IL1RAPL2: variants seen among roughly 807,000 people sequenced by gnomAD.
IL1RAPL2 encodes the protein X-linked interleukin-1 receptor accessory protein-like 2.
In IL1RAPL2, 3 loss-of-function variants were observed where a neutral mutation model predicts 44.1. The observed-to-expected ratio is 0.07, with a 90% CI of 0.03 to 0.18. The LOEUF (loss-of-function observed/expected upper bound fraction) is 0.18. Ranked by LOEUF, IL1RAPL2 falls within the 10% of genes least tolerant of loss-of-function variation. IL1RAPL2 has a pLI of 1.00. For synonymous variants in IL1RAPL2, 181 were observed against 178.8 expected (o/e 1.01, Z -0.10); for missense variants, 391 against 496.4 (o/e 0.79, Z 2.02).
chrX:105,326,597 G>T (rs996574409), intron 5 of IL1RAPL2, among the ~76,000 whole-genome samples: 1 of 111,318 alleles, frequency 9.0e-6, no homozygotes, highest in East Asian at 2.8e-4. Context: ...TATGGTATCA[G>T]GTAGAAGTTA....
intron 2 of IL1RAPL2, among the ~76,000 whole-genome samples, chrX:105,119,107 G>C (rs1267193582): frequency 2.7e-5 from 3 of 111,013 alleles, no homozygotes; most frequent in Non-Finnish European, 5.7e-5. Context: ...ATCATAACAG[G>C]GCTCTGTTGT....
rs764882882 is a variant in IL1RAPL2, at chrX:105,279,738, A to C, written c.697+12197A>C. 8.9e-5 allele frequency among the ~76,000 whole-genome samples: 10 copies of C among 111,978 alleles called. No homozygotes were observed. In the East Asian group the frequency reaches 2.8e-3, roughly 32 times the overall value. On this transcript the variant is annotated intron_variant, in intron 5 of 10. Transcript: ENST00000372582. ...CCTGATCCTCCCGCCTTGGCCTCCC[A>C]AAGTGCTGGGATTACAGGCGTGAGC...
chrX:105,181,025 A>G (rs59928613), intron 2 of IL1RAPL2, among the ~76,000 whole-genome samples: 7,142 of 111,503 alleles, frequency 0.064, 569 homozygotes, highest in African/African-American at 0.22. Flanking sequence ...TTATTGTTCT[A>G]TTCAGGTTTT....
intron 2 of IL1RAPL2, among the ~76,000 whole-genome samples, chrX:104,851,277 G>T (rs1226201414): frequency 1.8e-5 from 2 of 111,618 alleles, no homozygotes; most frequent in African/African-American, 6.5e-5. Context: ...AAAATTTTTA[G>T]CCAGGTTTAT....
chrX:105,210,723 C>T (rs1416039423), intron 3 of IL1RAPL2, among the ~76,000 whole-genome samples: 1 of 111,140 alleles, frequency 9.0e-6, no homozygotes, highest in African/African-American at 3.3e-5. Context: ...GGGAACTGGC[C>T]CCAAGTCCTG....
chrX:104,715,182 A>G lies in IL1RAPL2; in HGVS notation c.82+56187A>G, dbSNP rs1385253735. Among the ~76,000 whole-genome samples the G allele has an allele frequency of 3.7e-5, 4 of 109,524 alleles. No individual in the cohort carries two copies. The Admixed American group carries it at 3.9e-4, about 11-fold the overall frequency. The stretch of plus-strand genomic sequence containing the variant: ...AGCTCATTATTGGTCTGTTCAGTAA[A>G]TCAATCTTTTCCTGGTTCAGTCTTG... On this transcript the variant is annotated intron_variant, in intron 2 of 10. Coordinates refer to ENST00000372582, the MANE Select transcript of IL1RAPL2 (RefSeq NM_017416.2).
chrX:104,735,053 A>G (rs922380451), intron 2 of IL1RAPL2, among the ~76,000 whole-genome samples: 2 of 111,899 alleles, frequency 1.8e-5, no homozygotes, highest in East Asian at 5.6e-4. Context: ...TTAAGAATGT[A>G]TTGCTTTTGA....
intron 2 of IL1RAPL2, among the ~76,000 whole-genome samples, chrX:104,726,395 A>T (rs1211289650): frequency 1.8e-5 from 2 of 110,537 alleles, no homozygotes; most frequent in African/African-American, 3.3e-5. Flanking sequence ...ATTTAAAGTA[A>T]TTTTTTTTCT....
chrX:104,865,929 A>G (rs1323758682), intron 2 of IL1RAPL2, among the ~76,000 whole-genome samples: 2 of 112,137 alleles, frequency 1.8e-5, no homozygotes, highest in African/African-American at 6.5e-5. Context: ...CCTGTCAGTC[A>G]ATTCTCCTAA....
chrX:104,957,472 G>A (rs2029924634), intron 2 of IL1RAPL2, among the ~76,000 whole-genome samples: 1 of 111,364 alleles, frequency 9.0e-6, no homozygotes, highest in South Asian at 3.8e-4. Context: ...TTCAGAGGGA[G>A]GGAGGCAGAT....
intron 2 of IL1RAPL2, among the ~76,000 whole-genome samples, chrX:104,838,265 A>G (rs1157479420): frequency 8.9e-6 from 1 of 111,974 alleles, no homozygotes; most frequent in Non-Finnish European, 1.9e-5. Context: ...CTGAGAAGAA[A>G]GTCAGTGGTA....
At chrX:104,979,427 G>A (rs1234853875) in intron 2 of IL1RAPL2, among the ~76,000 whole-genome samples, 5 of 110,800 alleles carry the variant, frequency 4.5e-5, no homozygotes, top group African/African-American at 6.5e-5. Context: ...AAACTCTAGT[G>A]GAAAATATTA....
At chrX:105,330,513 AT>A (rs2147693478) in intron 5 of IL1RAPL2, among the ~76,000 whole-genome samples, 1 of 111,201 alleles carries the variant, frequency 9.0e-6, no homozygotes, top group East Asian at 2.8e-4. Flanking sequence ...TCTGTTTTAT[AT>A]TTACCTCTGT....
At chrX:104,838,821 TTC>T (rs1921815105) in intron 2 of IL1RAPL2, among the ~76,000 whole-genome samples, 3 of 66,721 alleles carry the variant, frequency 4.5e-5, no homozygotes, top group South Asian at 1.4e-3. Context: ...TTTTCTTTTC[TTC>T]TTTCTTTCTT....
At chrX:105,282,361 C>A (rs2034538470) in intron 5 of IL1RAPL2, among the ~76,000 whole-genome samples, 1 of 111,841 alleles carries the variant, frequency 8.9e-6, no homozygotes, top group Admixed American at 9.5e-5. Flanking sequence ...GAAAATAATT[C>A]ATCAGTTCAA....
At chrX:105,112,845 G>C (rs1323067152) in intron 2 of IL1RAPL2, among the ~76,000 whole-genome samples, 3 of 112,534 alleles carry the variant, frequency 2.7e-5, no homozygotes, top group African/African-American at 9.7e-5. Flanking sequence ...GTGCCCTTAA[G>C]GGCAGCAAGT....
chrX:105,041,450 CATT>C (rs1361287240), intron 2 of IL1RAPL2, among the ~76,000 whole-genome samples: 5 of 110,471 alleles, frequency 4.5e-5, no homozygotes, highest in African/African-American at 1.7e-4. Flanking sequence ...CTTTCTGTCT[CATT>C]GATCTGTCTA....
At chrX:105,534,841 C>T (rs147731294) in intron 6 of IL1RAPL2, among the ~76,000 whole-genome samples, 2,800 of 111,745 alleles carry the variant, frequency 0.025, 86 homozygotes, top group African/African-American at 0.086. Flanking sequence ...TGACCTAAAC[C>T]TCATACCTTA....
intron 2 of IL1RAPL2, among the ~76,000 whole-genome samples, chrX:105,168,766 C>T (rs2033395495): frequency 9.1e-6 from 1 of 109,646 alleles, no homozygotes; most frequent in South Asian, 4.0e-4. Flanking sequence ...TCTATTCAGG[C>T]CTTTAATGGA....
Sources: gnomAD v4.1 joint callset for allele counts (sites outside exome capture counted in the v4.1 genomes callset) on GRCh38, gnomAD v4.1.1 for gene constraint, MANE v1.5 for transcripts, NCBI Gene and HGNC (gene_info 2026-07-23, HGNC 2026-07-21) for gene names.